Variants in BCAS1 observed in about 807,000 individuals in gnomAD.
The protein encoded by BCAS1 is brain enriched myelin associated protein 1, also known as breast carcinoma-amplified sequence 1.
BCAS1 carries 46 observed loss-of-function variants against 65.4 expected under a neutral mutation model. That is an observed-to-expected ratio of 0.70 (90% CI 0.55 to 0.90). BCAS1 has a LOEUF of 0.90. Among genes scored for constraint, BCAS1 ranks in the 40% least tolerant of loss-of-function variants. The pLI, the probability that BCAS1 is intolerant of heterozygous loss-of-function variation, is 0.00. For missense variants in BCAS1, 793 were observed against 771.2 expected (o/e 1.03, Z -0.33); for synonymous variants, 298 against 293.5 (o/e 1.02, Z -0.16).
Position 54,028,857 on chromosome 20 carries a change from G to A in BCAS1, c.258C>T (p.Pro86=), listed in dbSNP as rs377354616. Residue 86 remains proline (P), a synonymous_variant, in exon 4 of 13, where the codon CCC becomes CCT. Transcript: ENST00000688948. ...AACGAGATTTAGCAGCTGGTGCCTC[G>A]GGTTTGGCCTCTTTCCCAAGATTCT... ...NGKNLGKEAK[P]EAPAAKSRFF... The A allele has an allele frequency of 1.2e-6, 2 of 1,613,938 alleles. No homozygotes were observed. The highest frequency in any genetic ancestry group is 1.1e-5 in the South Asian group (1 of 91,074).
intron 3 of BCAS1, among the ~76,000 whole-genome samples, chr20:54,035,892 T>C (rs1234893558): frequency 1.3e-5 from 2 of 151,240 alleles, no homozygotes; most frequent in African/African-American, 2.4e-5. Flanking sequence ...AACGAGATCA[T>C]GTCCTTTGCA....
chr20:53,978,606 GGATTAAATGCTTCT>G lies in BCAS1; in HGVS notation c.1276-3190_1276-3177del, dbSNP rs1568836822. Reference sequence around the variant, plus strand: ...ACAGGAGATAAATGCACTATGTAAAGGATTAAATGCTTCTCAGATTGTGTCCAAGAGTCACTCTA... The same window carrying G: ...ACAGGAGATAAATGCACTATGTAAAGCAGATTGTGTCCAAGAGTCACTCTA... On this transcript the variant is annotated intron_variant, in intron 8 of 12. Transcript: ENST00000688948. Among the ~76,000 whole-genome samples, 3 of 152,292 alleles carry G rather than the reference GGATTAAATGCTTCT, an allele frequency of 2.0e-5. No homozygotes were observed. The East Asian group carries it at 5.8e-4, about 29-fold the overall frequency.
intron 4 of BCAS1, among the ~76,000 whole-genome samples, chr20:54,002,092 G>T (rs1414477897): frequency 1.3e-5 from 2 of 150,772 alleles, no homozygotes; most frequent in East Asian, 3.9e-4. Context: ...TGAACATATT[G>T]GTCAGCTCTC....
At chr20:54,010,430 T>C (rs1466633118) in intron 4 of BCAS1, among the ~76,000 whole-genome samples, 1 of 152,156 alleles carries the variant, frequency 6.6e-6, no homozygotes, top group Non-Finnish European at 1.5e-5. Context: ...GTAAAAATGA[T>C]CTAGATTTCT....
chr20:54,065,581 C>T (rs997154047), intron 1 of BCAS1, among the ~76,000 whole-genome samples: 2 of 152,154 alleles, frequency 1.3e-5, no homozygotes. Flanking sequence ...TGCTGAGGGT[C>T]GCTAGTGCTG....
chr20:54,021,726 G>A (rs570120411), intron 4 of BCAS1, among the ~76,000 whole-genome samples: 1 of 152,180 alleles, frequency 6.6e-6, no homozygotes, highest in African/African-American at 2.4e-5. Flanking sequence ...ACTGGGGCCT[G>A]TCGGGGGTTG....
rs988279530 is a variant in BCAS1 at position 54,037,812 on chromosome 20, C to T, written c.143-8840G>A. 6.6e-5 allele frequency among the ~76,000 whole-genome samples: 10 copies of T among 150,450 alleles called. 1 individual carries two copies. The highest frequency in any genetic ancestry group is 2.4e-4 in the African/African-American group (10 of 41,114). On this transcript the variant is annotated intron_variant, in intron 3 of 12. Transcript: ENST00000688948. The stretch of plus-strand genomic sequence containing the variant: ...TCCCAACAACATGTGGTAACCAAAG[C>T]AGGAACAGAAGAGAAAGAAGAAATA...
chr20:53,984,723 G>A (rs2090567880), intron 8 of BCAS1, among the ~76,000 whole-genome samples: 1 of 152,188 alleles, frequency 6.6e-6, no homozygotes, highest in South Asian at 2.1e-4. Flanking sequence ...CCCTGTCCTT[G>A]CACCACTCAG....
At chr20:53,962,469 A>G (rs914746137) in intron 10 of BCAS1, among the ~76,000 whole-genome samples, 1 of 152,248 alleles carries the variant, frequency 6.6e-6, no homozygotes, top group Non-Finnish European at 1.5e-5. Context: ...GGAGGAGGAA[A>G]GCATTTTCAA....
intron 3 of BCAS1, among the ~76,000 whole-genome samples, chr20:54,055,954 TA>T (rs2092291148): frequency 6.6e-6 from 1 of 152,118 alleles, no homozygotes; most frequent in Non-Finnish European, 1.5e-5. Flanking sequence ...AGACAAATAC[TA>T]TATGATCTCA....
rs267606005 is a variant in BCAS1, at chr20:53,985,365, G to A, written c.1197C>T (p.Thr399=). Residue 399 remains threonine, a synonymous_variant, in exon 8 of 13, where the codon ACC becomes ACT. Coordinates refer to ENST00000688948, the MANE Select transcript of BCAS1 (RefSeq NM_001366298.2). The part of the protein sequence containing the change: ...NPSGHTQSVT[T]PEPAKEGTKE... ...TGGTGCCTTCCTTCGCAGGTTCAGGGGTTGTCACGGACTGTGTGTGCCCCG... is the reference window on the plus strand; with the variant it reads ...TGGTGCCTTCCTTCGCAGGTTCAGGAGTTGTCACGGACTGTGTGTGCCCCG... The A allele has an allele frequency of 8.1e-6, 13 of 1,614,068 alleles. No homozygotes were observed. In the South Asian group the frequency reaches 1.1e-4, roughly 14 times the overall value.
rs141205985 is a variant in BCAS1 at position 53,979,943 on chromosome 20, G to C, written c.1276-4513C>G. 5.8e-3 allele frequency among the ~76,000 whole-genome samples: 888 copies of C among 152,222 alleles called. 7 individuals carry two copies. The highest frequency in any genetic ancestry group is 0.021 in the African/African-American group (856 of 41,526). On this transcript the variant is annotated intron_variant, in intron 8 of 12. Transcript: ENST00000688948. Reference sequence around the variant, plus strand: ...TCTTGAGTAATTCTATGTTGCTTTTGAAATGTTCTTAAGTCTGCTTGGGCC... The same window carrying C: ...TCTTGAGTAATTCTATGTTGCTTTTCAAATGTTCTTAAGTCTGCTTGGGCC...
chr20:54,045,210 CAAAAAA>C (rs11086447), intron 3 of BCAS1, among the ~76,000 whole-genome samples: 10 of 136,198 alleles, frequency 7.3e-5, no homozygotes, highest in Non-Finnish European at 1.3e-4. Flanking sequence ...GACCTCATCT[CAAAAAA>C]AAAAAAAAAA....
intron 3 of BCAS1, among the ~76,000 whole-genome samples, chr20:54,057,825 C>A (rs531999116): frequency 6.6e-6 from 1 of 152,308 alleles, no homozygotes; most frequent in Admixed American, 6.5e-5. Flanking sequence ...GCGTGGAACA[C>A]GTTCTCCCTG....
chr20:54,010,189 C>T (rs1358403584), intron 4 of BCAS1, among the ~76,000 whole-genome samples: 2 of 152,068 alleles, frequency 1.3e-5, no homozygotes, highest in East Asian at 1.9e-4. Flanking sequence ...GATGTCAGCT[C>T]TCATTATTTG....
chr20:54,051,756 G>GT (rs2092218183), intron 3 of BCAS1, among the ~76,000 whole-genome samples: 1 of 148,300 alleles, frequency 6.7e-6, no homozygotes, highest in Admixed American at 6.7e-5. Context: ...TGTTGTTGTT[G>GT]AGATGAGGTC....
At chr20:54,006,281 G>A (rs899611718) in intron 4 of BCAS1, among the ~76,000 whole-genome samples, 18 of 152,288 alleles carry the variant, frequency 1.2e-4, no homozygotes, top group African/African-American at 4.3e-4. Flanking sequence ...ACATGCACTA[G>A]GGGAGGACGA....
At chr20:54,037,422 G>A (rs2091918277) in intron 3 of BCAS1, among the ~76,000 whole-genome samples, 1 of 151,280 alleles carries the variant, frequency 6.6e-6, no homozygotes, top group Admixed American at 6.6e-5. Context: ...GGGGATTATG[G>A]GGATTAAATT....
At chr20:54,058,593 C>G in intron 2 of BCAS1, 54 bp downstream of exon 2, 1 of 1,223,986 alleles carries the variant, frequency 8.2e-7, no homozygotes, top group South Asian at 1.5e-5. Flanking sequence ...ACAGGAAGTT[C>G]TTTTTTTTTT....
Sources: gnomAD v4.1 joint callset for allele counts (sites outside exome capture counted in the v4.1 genomes callset) on GRCh38, gnomAD v4.1.1 for gene constraint, MANE v1.5 for transcripts, NCBI Gene and HGNC (gene_info 2026-07-23, HGNC 2026-07-21) for gene names.